Variants in CSMD3 observed in about 807,000 individuals in gnomAD.
CSMD3 encodes CUB and Sushi multiple domains 3, also known as CUB and sushi domain-containing protein 3.
Under a neutral mutation model 435.2 loss-of-function variants are expected in CSMD3, and 177 were observed. The ratio of observed to expected loss-of-function variants is 0.41; its 90% CI spans 0.36 to 0.46. The LOEUF is 0.46. Among genes scored for constraint, CSMD3 ranks in the 20% least tolerant of loss-of-function variants. The probability of loss-of-function intolerance (pLI) is 0.34; values close to 1 mark genes in which losing one functional copy is unlikely to be tolerated. For synonymous variants in CSMD3, 1,656 were observed against 1,520.5 expected, an observed-to-expected ratio of 1.09 and a Z score of -2.07; for missense variants, 4,265 against 4,504.6, an observed-to-expected ratio of 0.95 and a Z score of 1.52.
At chr8:112,434,695 A>G (rs1814117699) in intron 32 of CSMD3, among the ~76,000 whole-genome samples, 1 of 152,084 alleles carries the variant, frequency 6.6e-6, no homozygotes, top group South Asian at 2.1e-4. Context: ...TCCTTCTAAG[A>G]CCCTAGAAAG....
chr8:113,344,131 G>C (rs149700319), intron 1 of CSMD3, among the ~76,000 whole-genome samples: 4 of 152,130 alleles, frequency 2.6e-5, no homozygotes, highest in South Asian at 4.1e-4. Context: ...ACTAAAGAAA[G>C]TTATGAACAA....
At chr8:112,523,219 T>C (rs1824487423) in intron 27 of CSMD3, among the ~76,000 whole-genome samples, 2 of 151,922 alleles carry the variant, frequency 1.3e-5, no homozygotes. Flanking sequence ...TGTACCGTAT[T>C]AAGAAAAGAT....
At chr8:113,263,607 T>G (rs2093444513) in intron 3 of CSMD3, among the ~76,000 whole-genome samples, 1 of 151,842 alleles carries the variant, frequency 6.6e-6, no homozygotes, top group Non-Finnish European at 1.5e-5. Context: ...AAAACGACTT[T>G]TGGGCGCTTC....
At chr8:113,025,479 GT>G (rs1239366717) in intron 5 of CSMD3, among the ~76,000 whole-genome samples, 1 of 152,162 alleles carries the variant, frequency 6.6e-6, no homozygotes, top group Non-Finnish European at 1.5e-5. Flanking sequence ...GGGTGTGATA[GT>G]TTGGCTGGCA....
chr8:113,211,219 A>G (rs969121765), intron 3 of CSMD3, among the ~76,000 whole-genome samples: 1 of 152,158 alleles, frequency 6.6e-6, no homozygotes, highest in African/African-American at 2.4e-5. Flanking sequence ...AATAGAGAAT[A>G]ATTTTCTCCT....
In CSMD3 at chr8:112,649,508, T is replaced by C. The variant is rs541297316; in HGVS notation, c.3193+653A>G. Among the ~76,000 whole-genome samples the C allele has an allele frequency of 1.4e-4, 21 of 152,302 alleles. No homozygotes were observed. In the South Asian group the frequency reaches 4.1e-3, roughly 30 times the overall value. On this transcript the variant is annotated intron_variant, in intron 19 of 70. Transcript: ENST00000297405. ...TTAAAACCCATAGTTAAATAATATA[T>C]GGATTTACATTGAGTGTGCTTTTTG...
Position 112,652,381 on chromosome 8 carries a change from C to A in CSMD3, c.3005-2032G>T, listed in dbSNP as rs552880818. ...GATATATAACTTTCCTTTACATGAA[C>A]CTCTAACATTGTAGTAAAATCGTCT... On this transcript the variant is annotated intron_variant, in intron 18 of 70. Transcript: ENST00000297405. Among the ~76,000 whole-genome samples the A allele has an allele frequency of 5.3e-5, 8 of 152,214 alleles. No homozygotes were observed. In the East Asian group the frequency reaches 1.5e-3, roughly 29 times the overall value.
chr8:113,258,094 AT>A (rs2093398253), intron 3 of CSMD3, among the ~76,000 whole-genome samples: 1 of 152,242 alleles, frequency 6.6e-6, no homozygotes, highest in Admixed American at 6.5e-5. Flanking sequence ...AAAATAAAAA[AT>A]GATATGAATT....
intron 13 of CSMD3, among the ~76,000 whole-genome samples, chr8:112,747,560 G>GT (rs1302375404): frequency 6.6e-6 from 1 of 152,146 alleles, no homozygotes; most frequent in East Asian, 1.9e-4. Flanking sequence ...AACATAGTAA[G>GT]TTTTTTTATC....
chr8:113,418,961 G>A (rs774356205), intron 1 of CSMD3, among the ~76,000 whole-genome samples: 2 of 152,168 alleles, frequency 1.3e-5, no homozygotes, highest in African/African-American at 2.4e-5. Flanking sequence ...GAGAATCACA[G>A]TAGTACCATA....
chr8:112,794,237 C>T lies in CSMD3; in HGVS notation c.1972+5925G>A, dbSNP rs188453464. On this transcript the variant is annotated intron_variant, in intron 13 of 70. Transcript: ENST00000297405. ...TTTACCACCTTAGAAAAAATATTTT[C>T]TTTTACCCAGAAACTATATCAATTG... Among the ~76,000 whole-genome samples, 503 of 143,304 alleles carry T rather than the reference C, an allele frequency of 3.5e-3. 3 individuals are homozygous for T. Among genetic ancestry groups the T allele is most frequent in the African/African-American group, 0.011 (434 of 38,554 alleles). The allele number at this position is 143,304 out of a possible 152,430, so 94.0% of individuals were successfully genotyped here. A position where few individuals can be genotyped will look rare whatever the true frequency, so the allele number is the denominator to read the frequency against.
chr8:112,516,287 G>A (rs993142682), intron 28 of CSMD3, among the ~76,000 whole-genome samples: 1 of 152,094 alleles, frequency 6.6e-6, no homozygotes, highest in Non-Finnish European at 1.5e-5. Flanking sequence ...ATTTTCAGTA[G>A]AGAAAACATA....
intron 24 of CSMD3, among the ~76,000 whole-genome samples, chr8:112,559,234 C>T (rs1328957358): frequency 6.6e-6 from 1 of 151,724 alleles, no homozygotes; most frequent in East Asian, 1.9e-4. Context: ...GAATGAGGCC[C>T]AGAAATTTAC....
At chr8:113,076,013 T>C (rs2089319530) in intron 5 of CSMD3, among the ~76,000 whole-genome samples, 2 of 151,992 alleles carry the variant, frequency 1.3e-5, no homozygotes, top group Non-Finnish European at 2.9e-5. Context: ...AACTATTGTA[T>C]TCCTACTGAG....
At chr8:113,018,319 C>T (rs767480020) in intron 6 of CSMD3, among the ~76,000 whole-genome samples, 1 of 151,488 alleles carries the variant, frequency 6.6e-6, no homozygotes, top group Non-Finnish European at 1.5e-5. Context: ...ATTAAATTTT[C>T]GAAGTGCTTA....
intron 4 of CSMD3, among the ~76,000 whole-genome samples, chr8:113,124,449 C>T (rs146267909): frequency 5.3e-5 from 8 of 150,882 alleles, no homozygotes; most frequent in African/African-American, 1.5e-4. Flanking sequence ...TTTGATGGGA[C>T]TCTTTCTCAT....
chr8:112,553,790 T>C (rs766733966), intron 25 of CSMD3, among the ~76,000 whole-genome samples: 8 of 152,030 alleles, frequency 5.3e-5, no homozygotes, highest in Non-Finnish European at 8.8e-5. Context: ...CTGATAACAC[T>C]AGAATCTAAT....
At chr8:112,794,683 A>C (rs1360065532) in intron 13 of CSMD3, among the ~76,000 whole-genome samples, 1 of 152,124 alleles carries the variant, frequency 6.6e-6, no homozygotes, top group Non-Finnish European at 1.5e-5. Context: ...GGTTTATCAG[A>C]GTCTAGAATA....
intron 68 of CSMD3, 70 bp from the exon 69 acceptor site, chr8:112,231,702 T>C (rs962520947): frequency 5.4e-6 from 5 of 927,208 alleles, no homozygotes; most frequent in Non-Finnish European, 8.9e-6. Flanking sequence ...CCTTAATAAA[T>C]ACACAATTTT....
Sources: gnomAD v4.1 joint callset for allele counts (sites outside exome capture counted in the v4.1 genomes callset) on GRCh38, gnomAD v4.1.1 for gene constraint, MANE v1.5 for transcripts, NCBI Gene and HGNC (gene_info 2026-07-23, HGNC 2026-07-21) for gene names.